ENOX2: variants seen among roughly 807,000 people sequenced by gnomAD.
ENOX2 encodes the protein ecto-NOX disulfide-thiol exchanger 2.
Under a neutral mutation model 45.0 loss-of-function variants are expected in ENOX2, and 36 were observed. That is an observed-to-expected ratio of 0.80 (90% CI 0.61 to 1.06). The LOEUF is 1.06. Among genes scored for constraint, ENOX2 ranks in the 50% least tolerant of loss-of-function variants. ENOX2 has a pLI of 0.00. For synonymous variants in ENOX2, 174 were observed against 152.3 expected (o/e 1.14, Z -1.05); for missense variants, 423 against 462.5 (o/e 0.91, Z 0.78).
intron 3 of ENOX2, among the ~76,000 whole-genome samples, chrX:130,764,910 T>A (rs991687028): frequency 9.0e-5 from 10 of 111,623 alleles, no homozygotes; most frequent in African/African-American, 2.9e-4. Flanking sequence ...TTTAAACTAG[T>A]TTGCTTAGTC....
intron 2 of ENOX2, among the ~76,000 whole-genome samples, chrX:130,813,749 A>ACC (rs1401940601): frequency 8.9e-6 from 1 of 111,995 alleles, no homozygotes. Flanking sequence ...GGTCTTCACA[A>ACC]CCCGCAGACA....
At chrX:130,730,843 T>A (rs1214214734) in intron 3 of ENOX2, among the ~76,000 whole-genome samples, 1 of 110,997 alleles carries the variant, frequency 9.0e-6, no homozygotes, top group Non-Finnish European at 1.9e-5. Context: ...AAGTTATCAA[T>A]AGAAAGGAAT....
At chrX:130,821,742 T>TAAAAAAAAAAAAAAAAAAAAAA in intron 2 of ENOX2, among the ~76,000 whole-genome samples, 5 of 23,186 alleles carry the variant, frequency 2.2e-4, no homozygotes, top group Admixed American at 6.4e-4. Flanking sequence ...ATAAATAAAT[T>TAAAAAAAAAAAAAAAAAAAAAA]AAAAAAAAAA....
At chrX:130,634,076 G>A (rs1255018893) in intron 12 of ENOX2, among the ~76,000 whole-genome samples, 1 of 112,116 alleles carries the variant, frequency 8.9e-6, no homozygotes, top group Non-Finnish European at 1.9e-5. Flanking sequence ...TCTAGGGGAA[G>A]GCACTGTGCT....
intron 6 of ENOX2, 84 bp downstream of exon 6, chrX:130,679,458 C>G (rs1207775715): frequency 1.2e-6 from 1 of 835,085 alleles, no homozygotes; most frequent in African/African-American, 2.0e-5. Flanking sequence ...TAAGCCCAAA[C>G]TTATCTGCTA....
chrX:130,663,773 G>A (rs1029956740), intron 9 of ENOX2, among the ~76,000 whole-genome samples: 3 of 110,921 alleles, frequency 2.7e-5, no homozygotes, highest in Non-Finnish European at 5.7e-5. Context: ...TTTTTCTCTC[G>A]ACTTTTATTC....
At chrX:130,815,384 A>G (rs2077464659) in intron 2 of ENOX2, among the ~76,000 whole-genome samples, 1 of 112,004 alleles carries the variant, frequency 8.9e-6, no homozygotes, top group Non-Finnish European at 1.9e-5. Context: ...ACTTAAATTC[A>G]GGAAATACAG....
chrX:130,625,621 C>T (rs991003429), intron 14 of ENOX2, among the ~76,000 whole-genome samples, 176 bp from the exon 15 acceptor site: 3 of 112,160 alleles, frequency 2.7e-5, no homozygotes, highest in African/African-American at 6.5e-5. Flanking sequence ...CAGCCAGCAG[C>T]GTTCCTCTGC....
At chrX:130,702,377 G>A (rs977325217) in intron 4 of ENOX2, among the ~76,000 whole-genome samples, 1 of 111,508 alleles carries the variant, frequency 9.0e-6, no homozygotes, top group Non-Finnish European at 1.9e-5. Flanking sequence ...GCCTGGTCCT[G>A]TTGTGCTTTT....
At chrX:130,747,270 GT>G (rs771619855) in intron 3 of ENOX2, among the ~76,000 whole-genome samples, 6 of 104,816 alleles carry the variant, frequency 5.7e-5, no homozygotes, top group African/African-American at 1.4e-4. Flanking sequence ...CTAAGTTTTT[GT>G]TTTTTTTTTC....
chrX:130,697,018 T>A (rs1432587088), intron 4 of ENOX2, among the ~76,000 whole-genome samples: 1 of 111,654 alleles, frequency 9.0e-6, no homozygotes, highest in East Asian at 2.8e-4. Context: ...TTTATTTTTT[T>A]ATAAATTATT....
At chrX:130,682,583 CAAAAAAAAAA>C (rs55875735) in intron 5 of ENOX2, among the ~76,000 whole-genome samples, 133 of 14,628 alleles carry the variant, frequency 9.1e-3, no homozygotes, top group African/African-American at 0.026. Flanking sequence ...GACTCCGTCT[CAAAAAAAAAA>C]AAAAAAAAAA....
At chrX:130,652,184 T>C (rs982800242) in intron 10 of ENOX2, among the ~76,000 whole-genome samples, 5 of 112,300 alleles carry the variant, frequency 4.5e-5, no homozygotes, top group African/African-American at 1.6e-4. Context: ...TCCGATTTTC[T>C]TTGTAACATC....
At chrX:130,672,757 C>G (rs2037022755) in intron 6 of ENOX2, among the ~76,000 whole-genome samples, 1 of 111,855 alleles carries the variant, frequency 8.9e-6, no homozygotes, top group South Asian at 3.8e-4. Context: ...ACATTGTGAT[C>G]CTGCCTGTCT....
intron 2 of ENOX2, among the ~76,000 whole-genome samples, chrX:130,810,178 C>T (rs915862423): frequency 1.8e-5 from 2 of 110,858 alleles, no homozygotes; most frequent in African/African-American, 6.6e-5. Context: ...GACCCCAACA[C>T]CAGGCTGCCT....
intron 2 of ENOX2, among the ~76,000 whole-genome samples, chrX:130,790,860 T>C (rs1323400470): frequency 1.8e-5 from 2 of 112,755 alleles, no homozygotes; most frequent in Non-Finnish European, 3.7e-5. Flanking sequence ...CATTGGTTGT[T>C]TAGGATGTGC....
At chrX:130,716,263 ATTAATT>A in intron 3 of ENOX2, among the ~76,000 whole-genome samples, 1 of 112,124 alleles carries the variant, frequency 8.9e-6, no homozygotes, top group Non-Finnish European at 1.9e-5. Context: ...AAACAGTGGG[ATTAATT>A]TGTATTCTTC....
At chrX:130,900,176 C>G (rs1183435309) in intron 2 of ENOX2, among the ~76,000 whole-genome samples, 2 of 112,230 alleles carry the variant, frequency 1.8e-5, no homozygotes, top group Non-Finnish European at 3.8e-5. Context: ...AAATTTCAGT[C>G]TGAGTATTAC....
At chrX:130,825,681 C>T (rs770895680) in intron 2 of ENOX2, among the ~76,000 whole-genome samples, 2 of 111,301 alleles carry the variant, frequency 1.8e-5, no homozygotes, top group African/African-American at 6.5e-5. Flanking sequence ...TTGAATCTCA[C>T]TCATTCTACT....
Sources: gnomAD v4.1 joint callset for allele counts (sites outside exome capture counted in the v4.1 genomes callset) on GRCh38, gnomAD v4.1.1 for gene constraint, MANE v1.5 for transcripts, NCBI Gene and HGNC (gene_info 2026-07-23, HGNC 2026-07-21) for gene names.